ELMO1: variants seen among roughly 807,000 people sequenced by gnomAD.
The protein encoded by ELMO1 is engulfment and cell motility 1.
A neutral mutation model predicts 98.9 loss-of-function variants in ELMO1; 26 were observed. The ratio of observed to expected loss-of-function variants is 0.26; its 90% confidence interval spans 0.19 to 0.36. The LOEUF is 0.36. Ranked by LOEUF, ELMO1 falls within the 10% of genes least tolerant of loss-of-function variation. The probability of loss-of-function intolerance (pLI) is 1.00; values close to 1 mark genes in which losing one functional copy is unlikely to be tolerated. For missense variants in ELMO1, 627 were observed against 935.2 expected, an observed-to-expected ratio of 0.67 and a Z score of 4.30; for synonymous variants, 346 against 346.0, an observed-to-expected ratio of 1.00 and a Z score of 0.00.
chr7:37,123,039 G>A (rs1190221602), intron 14 of ELMO1, among the ~76,000 whole-genome samples: 2 of 151,706 alleles, frequency 1.3e-5, no homozygotes, highest in Non-Finnish European at 2.9e-5. Flanking sequence ...ATGACTACTA[G>A]GTACATAACA....
intron 16 of ELMO1, among the ~76,000 whole-genome samples, chr7:36,914,485 C>T (rs977631417): frequency 1.1e-4 from 16 of 150,960 alleles, no homozygotes; most frequent in African/African-American, 2.4e-4. Context: ...CTTTGTACAA[C>T]GTAAGGTACT....
At chr7:37,312,874 A>G (rs1562604187) in intron 4 of ELMO1, among the ~76,000 whole-genome samples, 2 of 152,216 alleles carry the variant, frequency 1.3e-5, no homozygotes, top group African/African-American at 2.4e-5. Flanking sequence ...ATATTTCACA[A>G]GCAACACAGG....
At chr7:36,879,571 T>C (rs1320009769) in intron 18 of ELMO1, among the ~76,000 whole-genome samples, 1 of 152,224 alleles carries the variant, frequency 6.6e-6, no homozygotes, top group Non-Finnish European at 1.5e-5. Context: ...AGAATGGAAG[T>C]AAAAGCCACA....
chr7:37,315,030 A>G lies in ELMO1; in HGVS notation c.120-108T>C, dbSNP rs767290739. On this transcript the variant is annotated intron_variant, in intron 3 of 21. Coordinates refer to ENST00000310758, the MANE Select transcript of ELMO1 (RefSeq NM_014800.11). ...AGCACCCTGTGATTGGAATTGGACC[A>G]ATCCCAACATATACCACAATGCAGT... 8.4e-4 allele frequency: 785 copies of G among 931,038 alleles called. 2 individuals carry two copies. Among genetic ancestry groups the G allele is most frequent in the Non-Finnish European group, 1.2e-3 (721 of 608,854 alleles). 57.7% of individuals were successfully genotyped at this position (931,038 alleles called of 1,614,324 possible). A position where few individuals can be genotyped will look rare whatever the true frequency, so the allele number is the denominator to read the frequency against.
intron 15 of ELMO1, among the ~76,000 whole-genome samples, chr7:37,052,282 C>A (rs1796149406): frequency 6.6e-6 from 1 of 152,190 alleles, no homozygotes; most frequent in Non-Finnish European, 1.5e-5. Flanking sequence ...TCAAGTTATT[C>A]CTGTTGTCAT....
intron 13 of ELMO1, among the ~76,000 whole-genome samples, chr7:37,167,290 C>T (rs1380967565): frequency 6.6e-6 from 1 of 152,128 alleles, no homozygotes; most frequent in East Asian, 1.9e-4. Context: ...GACTCTTTAT[C>T]CAATTTGCCA....
intron 11 of ELMO1, among the ~76,000 whole-genome samples, 174 bp from the exon 12 acceptor site, chr7:37,213,631 G>T (rs981082797): frequency 6.6e-6 from 1 of 152,178 alleles, no homozygotes; most frequent in African/African-American, 2.4e-5. Flanking sequence ...GCCCAGTAAG[G>T]TTCCTGATCT....
At chr7:37,259,819 G>A (rs1286482704) in intron 5 of ELMO1, among the ~76,000 whole-genome samples, 2 of 152,142 alleles carry the variant, frequency 1.3e-5, no homozygotes, top group African/African-American at 2.4e-5. Context: ...ACACATGTTC[G>A]GGAGCTTCAT....
At chr7:37,346,026 T>C (rs1312602364) in intron 1 of ELMO1, among the ~76,000 whole-genome samples, 1 of 146,958 alleles carries the variant, frequency 6.8e-6, no homozygotes, top group Non-Finnish European at 1.5e-5. Flanking sequence ...GAGGTGAGGA[T>C]GGGGCCCCTG....
chr7:37,323,851 C>T (rs1229620472), intron 2 of ELMO1, among the ~76,000 whole-genome samples: 1 of 152,148 alleles, frequency 6.6e-6, no homozygotes, highest in Non-Finnish European at 1.5e-5. Flanking sequence ...TTATGCGGAT[C>T]CATGGATCAC....
chr7:37,235,268 G>C lies in ELMO1; in HGVS notation c.450-2074C>G, dbSNP rs140833772. 5.3e-4 allele frequency among the ~76,000 whole-genome samples: 81 copies of C among 152,166 alleles called. No homozygotes were observed. In the Middle Eastern group the frequency reaches 0.01, roughly 19 times the overall value. On this transcript the variant is annotated intron_variant, in intron 7 of 21. Transcript: ENST00000310758. ...AAAGAAGAAGAAAAGAAAGTAAAAA[G>C]ACTGCCTCAGGAAAATAAGAGCCAG...
intron 3 of ELMO1, among the ~76,000 whole-genome samples, chr7:37,315,233 A>C (rs537637335): frequency 2.6e-5 from 4 of 152,326 alleles, no homozygotes; most frequent in African/African-American, 9.6e-5. Context: ...TAAGGGATTG[A>C]AGCAAAGAAA....
chr7:37,362,217 G>T (rs1008587555), intron 1 of ELMO1, among the ~76,000 whole-genome samples: 4 of 89,828 alleles, frequency 4.5e-5, no homozygotes, highest in African/African-American at 3.8e-5. Context: ...AAATGTATAT[G>T]ATATATATAT....
chr7:37,189,748 C>A (rs1035175), intron 13 of ELMO1, among the ~76,000 whole-genome samples: 1 of 152,106 alleles, frequency 6.6e-6, no homozygotes, highest in Non-Finnish European at 1.5e-5. Flanking sequence ...AACAAAAAAA[C>A]AAAATAAATG....
chr7:37,446,400 G>C (rs986320124), intron 1 of ELMO1, among the ~76,000 whole-genome samples: 5 of 152,214 alleles, frequency 3.3e-5, no homozygotes, highest in African/African-American at 1.2e-4. Flanking sequence ...AAGAGGCCCA[G>C]GGAGTGTCTG....
chr7:37,200,359 G>A (rs910432142), intron 13 of ELMO1, among the ~76,000 whole-genome samples: 1 of 151,624 alleles, frequency 6.6e-6, no homozygotes, highest in Non-Finnish European at 1.5e-5. Context: ...GAAATTATAG[G>A]AGAGAGCCAC....
intron 14 of ELMO1, among the ~76,000 whole-genome samples, chr7:37,113,477 T>C (rs1211178753): frequency 2.0e-5 from 3 of 152,144 alleles, no homozygotes. Flanking sequence ...AAATCAGTAC[T>C]TTATATCTGG....
chr7:37,175,052 A>G (rs1307317870), intron 13 of ELMO1, among the ~76,000 whole-genome samples: 1 of 152,200 alleles, frequency 6.6e-6, no homozygotes, highest in Non-Finnish European at 1.5e-5. Context: ...GAGGGGGCAG[A>G]GAGAAAGGTG....
chr7:37,445,971 T>C (rs1220620942), intron 1 of ELMO1, among the ~76,000 whole-genome samples: 1 of 152,032 alleles, frequency 6.6e-6, no homozygotes, highest in Non-Finnish European at 1.5e-5. Context: ...GGTTATCTAA[T>C]CTCCCAAGGA....
Sources: allele counts gnomAD v4.1 joint callset (sites outside exome capture counted in the v4.1 genomes callset), GRCh38; gene constraint gnomAD v4.1.1; transcripts MANE v1.5; gene names NCBI Gene and HGNC (gene_info 2026-07-23, HGNC 2026-07-21).